The following DEAF1 variants were observed in gnomAD, a reference collection of about 807,000 sequenced individuals.
The protein encoded by DEAF1 is deformed epidermal autoregulatory factor 1 homolog.
Under a neutral mutation model 58.9 loss-of-function variants are expected in DEAF1, and 53 were observed. That is an observed-to-expected ratio of 0.90 (90% confidence interval 0.72 to 1.13). The LOEUF is 1.13. Among genes scored for constraint, DEAF1 ranks in the 50% most tolerant of loss-of-function variants. The probability of loss-of-function intolerance (pLI) is 0.00; values close to 1 mark genes in which losing one functional copy is unlikely to be tolerated. For missense variants in DEAF1, 685 were observed against 791.4 expected (o/e 0.87, Z 1.61); for synonymous variants, 385 against 340.4 (o/e 1.13, Z -1.44).
At chr11:673,912 A>G (rs1370128355) in intron 10 of DEAF1, 2 of 158,846 alleles carry the variant, frequency 1.3e-5, no homozygotes, top group Non-Finnish European at 2.8e-5. Flanking sequence ...CAAAGTCTTC[A>G]ATCTAAGTAA....
intron 7 of DEAF1, among the ~76,000 whole-genome samples, chr11:680,347 T>C (rs919932262): frequency 2.0e-5 from 3 of 152,296 alleles, no homozygotes; most frequent in Admixed American, 2.0e-4. Flanking sequence ...AGAAAGACCT[T>C]ACTCTATAAA....
intron 1 of DEAF1, chr11:694,307 T>C (rs1590026121): frequency 1.3e-5 from 2 of 149,618 alleles, no homozygotes; most frequent in South Asian, 9.6e-5. Flanking sequence ...GGGCAGGTGT[T>C]TGGGGTAGGT....
chr11:680,559 G>A (rs749829848), intron 7 of DEAF1, among the ~76,000 whole-genome samples: 25 of 152,280 alleles, frequency 1.6e-4, no homozygotes, highest in Non-Finnish European at 2.5e-4. Context: ...GCAGCGAGCC[G>A]GGATCCTGAC....
At chr11:704,429 C>G (rs1010674453) in intron 1 of DEAF1, 7 of 1,287,664 alleles carry the variant, frequency 5.4e-6, no homozygotes, top group Non-Finnish European at 7.1e-6. Flanking sequence ...TTTGACCTGT[C>G]TGTGGCCCCC....
chr11:649,656 G>T (rs998019245), intron 11 of DEAF1, among the ~76,000 whole-genome samples: 4 of 152,026 alleles, frequency 2.6e-5, no homozygotes, highest in African/African-American at 7.2e-5. Flanking sequence ...GGAGGTGGAG[G>T]CTGCAGTGAG....
At chr11:663,786 C>T (rs554064065) in intron 10 of DEAF1, among the ~76,000 whole-genome samples, 2 of 152,344 alleles carry the variant, frequency 1.3e-5, no homozygotes, top group Admixed American at 1.3e-4. Flanking sequence ...TTCTCCATCT[C>T]CTCAGCAGTT....
At position 695,131 on chromosome 11, in the gene DEAF1, G is replaced by A. The variant is rs984185607; in HGVS notation, c.-84C>T. The A allele has an allele frequency of 3.1e-6, 4 of 1,276,328 alleles. No individual in the cohort carries two copies. The African/African-American group carries it at 4.8e-5, about 15-fold the overall frequency. The allele number at this position is 1,276,328 out of a possible 1,614,324, so 79.1% of individuals were successfully genotyped here. ...CGGAGCCCGAAGCGGGGCCCGAAGAGGACGCCCGAGCTGGGCCGAGGCCGC... is the reference window on the plus strand; with the variant it reads ...CGGAGCCCGAAGCGGGGCCCGAAGAAGACGCCCGAGCTGGGCCGAGGCCGC... On this transcript the variant is annotated 5_prime_UTR_variant, in exon 1 of 12. Transcript: ENST00000382409.
At chr11:681,343 T>G (rs1411659789) in intron 6 of DEAF1, among the ~76,000 whole-genome samples, 1 of 152,042 alleles carries the variant, frequency 6.6e-6, no homozygotes, top group Non-Finnish European at 1.5e-5. Context: ...CAAGTGATTC[T>G]GCGTTAGTCT....
chr11:687,625 G>A (rs1259395739), intron 4 of DEAF1, among the ~76,000 whole-genome samples: 1 of 152,182 alleles, frequency 6.6e-6, no homozygotes, highest in East Asian at 1.9e-4. Context: ...GAGTAGCTGG[G>A]ACTATGGGAC....
chr11:690,055 G>A (rs557998223), intron 2 of DEAF1, among the ~76,000 whole-genome samples: 7 of 150,992 alleles, frequency 4.6e-5, no homozygotes, highest in East Asian at 2.0e-4. Context: ...GGCTGGGTGC[G>A]GTGGCTCATG....
intron 6 of DEAF1, among the ~76,000 whole-genome samples, chr11:684,644 A>G (rs1300127122): frequency 2.0e-5 from 3 of 152,194 alleles, no homozygotes; most frequent in Non-Finnish European, 2.9e-5. Flanking sequence ...ACCGCTTTTC[A>G]TTATTTAAGG....
At chr11:690,341 CAGGGGAGGGGAGGGCAGGGGAGGGG>C (rs1860782454) in intron 2 of DEAF1, among the ~76,000 whole-genome samples, 1 of 1,096 alleles carries the variant, frequency 9.1e-4, no homozygotes, top group African/African-American at 5.6e-3. Context: ...GAGGGGAGGG[CAGGGGAGGGGAGGGCAGGGGAGGGG>C]AGGGCAGGGG....
At chr11:668,099 C>T (rs1020635755) in intron 10 of DEAF1, among the ~76,000 whole-genome samples, 1 of 152,060 alleles carries the variant, frequency 6.6e-6, no homozygotes, top group Non-Finnish European at 1.5e-5. Context: ...AAAACAAGAG[C>T]GAGACTCTGT....
intron 9 of DEAF1, among the ~76,000 whole-genome samples, chr11:675,314 T>G (rs755994418): frequency 2.6e-5 from 4 of 151,450 alleles, no homozygotes; most frequent in Non-Finnish European, 5.9e-5. Flanking sequence ...AGCTCAGGAG[T>G]TCAAGACCAG....
intron 1 of DEAF1, chr11:704,239 C>G: frequency 1.2e-6 from 1 of 843,712 alleles, no homozygotes; most frequent in South Asian, 1.7e-5. Context: ...CGCCCTCGGG[C>G]CCTGGCTGCC....
upstream of DEAF1, chr11:695,331 C>T (rs937678688): frequency 2.0e-5 from 9 of 442,974 alleles, no homozygotes; most frequent in African/African-American, 1.6e-4. Context: ...TCGAAGTTCC[C>T]CGAAGTGGGA....
intron 1 of DEAF1, among the ~76,000 whole-genome samples, chr11:701,491 A>G (rs952137669): frequency 4.6e-4 from 66 of 145,002 alleles, no homozygotes; most frequent in Non-Finnish European, 8.3e-4. Flanking sequence ...GCTCACTGCA[A>G]GCTCCGCCTC....
At chr11:659,941 C>T (rs1323433067) in intron 10 of DEAF1, among the ~76,000 whole-genome samples, 1 of 152,148 alleles carries the variant, frequency 6.6e-6, no homozygotes, top group Non-Finnish European at 1.5e-5. Flanking sequence ...AATACAAAGT[C>T]CCCAACACAG....
At chr11:648,399 G>A (rs866530036) in intron 11 of DEAF1, among the ~76,000 whole-genome samples, 1 of 152,076 alleles carries the variant, frequency 6.6e-6, no homozygotes, top group Non-Finnish European at 1.5e-5. Flanking sequence ...GTTTCACCAT[G>A]TTAGCCAGGA....
Sources: gnomAD v4.1 joint callset for allele counts (sites outside exome capture counted in the v4.1 genomes callset) on GRCh38, gnomAD v4.1.1 for gene constraint, MANE v1.5 for transcripts, NCBI Gene and HGNC (gene_info 2026-07-23, HGNC 2026-07-21) for gene names.